The following RNF32 variants were observed in gnomAD, a reference collection of about 807,000 sequenced individuals.
RNF32 encodes ring finger protein 32.
Under a neutral mutation model 41.0 loss-of-function variants are expected in RNF32, and 36 were observed. The ratio of observed to expected loss-of-function variants is 0.88; its 90% CI spans 0.67 to 1.16. The LOEUF (loss-of-function observed/expected upper bound fraction) is 1.16. Ranked by LOEUF, RNF32 falls within the 50% of genes most tolerant of loss-of-function variation. The pLI, the probability that RNF32 is intolerant of heterozygous loss-of-function variation, is 0.00. For missense variants in RNF32, 413 were observed against 436.7 expected (o/e 0.95, Z 0.48); for synonymous variants, 154 against 160.9 (o/e 0.96, Z 0.32).
At chr7:156,664,775 T>C (rs946970772) in intron 7 of RNF32, among the ~76,000 whole-genome samples, 1 of 152,226 alleles carries the variant, frequency 6.6e-6, no homozygotes, top group Admixed American at 6.5e-5. Context: ...AAAAGACTCT[T>C]TTCATCTAGC....
rs1347129549 is a variant in RNF32 at position 156,677,069 on chromosome 7, G to T, written c.*414G>T. 6.2e-6 allele frequency: 1 copy of T among 160,060 alleles called. No homozygotes were observed. Among genetic ancestry groups the T allele is most frequent in the Admixed American group, 5.9e-5 (1 of 16,872 alleles). The allele number at this position is 160,060 out of a possible 1,614,324, so 9.9% of individuals were successfully genotyped here. A position where few individuals can be genotyped will look rare whatever the true frequency, so the allele number is the denominator to read the frequency against. On this transcript the variant is annotated 3_prime_UTR_variant, in exon 9 of 9. Coordinates refer to ENST00000317955, the MANE Select transcript of RNF32 (RefSeq NM_030936.4). ...TCCTAATACTCGTTTTGTAATAATT[G>T]CTGTATTTCTGTGTAATAAAATATA...
chr7:156,667,035 A>G (rs1338520940), intron 7 of RNF32, among the ~76,000 whole-genome samples: 2 of 152,124 alleles, frequency 1.3e-5, no homozygotes, highest in Non-Finnish European at 2.9e-5. Context: ...TTTCATTTAC[A>G]TCTCACCAAA....
intron 7 of RNF32, among the ~76,000 whole-genome samples, chr7:156,671,690 G>A (rs184840996): frequency 7.3e-4 from 111 of 152,280 alleles, no homozygotes; most frequent in Non-Finnish European, 1.2e-3. Context: ...CAGCTCATGA[G>A]CACAGTCCCC....
chr7:156,661,652 C>T (rs918570643), intron 7 of RNF32, among the ~76,000 whole-genome samples: 1 of 152,120 alleles, frequency 6.6e-6, no homozygotes, highest in African/African-American at 2.4e-5. Context: ...CAGCAATGAC[C>T]CACCACATGT....
chr7:156,649,035 G>A (rs1346989058), intron 3 of RNF32, among the ~76,000 whole-genome samples: 2 of 152,232 alleles, frequency 1.3e-5, no homozygotes, highest in Non-Finnish European at 2.9e-5. Context: ...GAAAATCGAC[G>A]AGATTAAAGC....
chr7:156,669,824 C>G lies in RNF32; in HGVS notation c.685-5872C>G, dbSNP rs1188493032. On this transcript the variant is annotated intron_variant, in intron 7 of 8. Transcript: ENST00000317955. The surrounding 1 kb of genome is among the most constrained non-coding windows in gnomAD (Gnocchi z 4.2). ...CCATGGAGGGGAGGCTCAAAATAAC[C>G]AGATGAGACGTGCAGTTGGGCCTGC... 6.6e-6 allele frequency among the ~76,000 whole-genome samples: 1 copy of G among 152,158 alleles called. No individual in the cohort carries two copies. The highest frequency in any genetic ancestry group is 1.5e-5 in the Non-Finnish European group (1 of 68,038).
In RNF32 at chr7:156,645,559, A is replaced by G. The variant is rs113015957; in HGVS notation, c.274+802A>G. Reference sequence around the variant, plus strand: ...CCCAGGGGACATAGCTGCAAGTGCAATCTGTGATCCTGGATCAGATCCTAG... The same window carrying G: ...CCCAGGGGACATAGCTGCAAGTGCAGTCTGTGATCCTGGATCAGATCCTAG... On this transcript the variant is annotated intron_variant, in intron 3 of 8. Coordinates refer to ENST00000317955, the MANE Select transcript of RNF32 (RefSeq NM_030936.4). Among the ~76,000 whole-genome samples the G allele has an allele frequency of 4.6e-3, 699 of 152,330 alleles. 3 individuals carry two copies. Among genetic ancestry groups the G allele is most frequent in the Middle Eastern group, 0.024 (7 of 294 alleles).
In RNF32 at chr7:156,658,244, T is replaced by C; in HGVS notation, c.567T>C (p.Cys189=). The stretch of plus-strand genomic sequence containing the variant: ...GGGCCCGCCTGTTCAGAATCAAGTG[T>C]GTGACCAGGTGAGGACGCCAGGCCC... ...HDGARLFRIK[C]VTRIQAYWRG... is the part of the protein sequence containing the mutation. The change falls in exon 6 of 9, where the codon TGT becomes TGC. Residue 189 remains cysteine, a synonymous_variant. Coordinates refer to ENST00000317955, the MANE Select transcript of RNF32 (RefSeq NM_030936.4). 6.2e-7 allele frequency: 1 copy of C among 1,614,026 alleles called. No individual in the cohort carries two copies. Among genetic ancestry groups the C allele is most frequent in the Non-Finnish European group, 8.5e-7 (1 of 1,180,000 alleles).
chr7:156,658,925 C>G (rs978116999), intron 7 of RNF32: 4 of 1,541,204 alleles, frequency 2.6e-6, no homozygotes, highest in Non-Finnish European at 8.7e-7. Context: ...ATGAAGACAT[C>G]TGCTGCACAT....
chr7:156,666,692 G>A (rs564712044), intron 7 of RNF32, among the ~76,000 whole-genome samples: 1 of 152,284 alleles, frequency 6.6e-6, no homozygotes, highest in South Asian at 2.1e-4. Flanking sequence ...TTTGAGGAAC[G>A]CAGATCAAAG....
rs186164908 is a variant in RNF32 at position 156,676,389 on chromosome 7, C to T, written c.853-30C>T. 15 of 1,614,026 alleles carry T rather than the reference C, an allele frequency of 9.3e-6. No homozygotes were observed. The East Asian group carries it at 1.1e-4, about 12-fold the overall frequency. ...TTTCTGCTGTGATGAAACTAACCCGCGTGGCCTCTTCCCGTCCTGTGTGCC... is the reference window on the plus strand; with the variant it reads ...TTTCTGCTGTGATGAAACTAACCCGTGTGGCCTCTTCCCGTCCTGTGTGCC... On this transcript the variant is annotated intron_variant, in intron 8 of 8. Coordinates refer to ENST00000317955, the MANE Select transcript of RNF32 (RefSeq NM_030936.4).
intron 3 of RNF32, chr7:156,654,172 A>G (rs1160520343): frequency 2.0e-5 from 3 of 152,932 alleles, no homozygotes; most frequent in Non-Finnish European, 2.9e-5. Context: ...TGGCATCCAC[A>G]GATTCAACCA....
rs754974929 is a variant in RNF32 at position 156,675,729 on chromosome 7, T to A, written c.718T>A (p.Tyr240Asn). The change falls in exon 8 of 9, where the codon TAC becomes AAC. Residue 240 changes from tyrosine to asparagine, a missense_variant. Tyr to Asn is a moderately radical substitution (Grantham distance 143, BLOSUM62 -2). Transcript: ENST00000317955. ...TEISHRILCS[Y>N]NTNIEELFAE... ...AATCAGCCACCGCATCCTGTGCTCA[T>A]ACAACACCAACATTGAAGAGCTCTT... 1 of 1,600,994 alleles carries A rather than the reference T, an allele frequency of 6.2e-7. No individual in the cohort carries two copies. The highest frequency in any genetic ancestry group is 1.3e-5 in the African/African-American group (1 of 74,738).
At chr7:156,660,425 C>T (rs1322061408) in intron 7 of RNF32, 5 of 382,128 alleles carry the variant, frequency 1.3e-5, no homozygotes, top group Non-Finnish European at 1.8e-5. Context: ...AGCAAATTCA[C>T]TTAAGCTGAA....
rs202182456 is a variant in RNF32 at position 156,675,685 on chromosome 7, C to G, written c.685-11C>G. 1.0e-3 allele frequency: 1,629 copies of G among 1,605,940 alleles called. 16 individuals are homozygous for G. The African/African-American group carries it at 0.017, about 17-fold the overall frequency. Reference sequence around the variant, plus strand: ...CAGGTGTGAGCTTACCCGCCCCCGCCTCCTCCTCAGTTCACAGAAATCAGC... The same window carrying G: ...CAGGTGTGAGCTTACCCGCCCCCGCGTCCTCCTCAGTTCACAGAAATCAGC... On this transcript the variant is annotated splice_polypyrimidine_tract_variant and intron_variant, in intron 7 of 8. Coordinates refer to ENST00000317955, the MANE Select transcript of RNF32 (RefSeq NM_030936.4).
At chr7:156,660,124 C>A in intron 7 of RNF32, 7 of 985,780 alleles carry the variant, frequency 7.1e-6, no homozygotes, top group Non-Finnish European at 8.4e-6. Flanking sequence ...TCGCTCGGAA[C>A]GCCCCGCTCT....
rs763542622 is a variant in RNF32 at position 156,654,703 on chromosome 7, C to T, written c.402C>T (p.Phe134=). ...VQPCPICKEE[F]ELRPQVLLSC... ...CATGCCCCATCTGTAAAGAAGAATT[C>T]GAGCTTCGTCCTCAGGTGTTTAGCA... The change falls in exon 4 of 9, where the codon TTC becomes TTT. Residue 134 remains phenylalanine (F), a synonymous_variant. Transcript: ENST00000317955. The T allele has an allele frequency of 2.1e-5, 34 of 1,613,890 alleles. No homozygotes were observed. In the East Asian group the frequency reaches 2.2e-4, roughly 11 times the overall value.
chr7:156,644,688 C>G lies in RNF32; in HGVS notation c.205C>G (p.Gln69Glu). The change falls in exon 3 of 9, where the codon CAG becomes GAG. Residue 69 changes from glutamine (Q) to glutamate (E), a missense_variant. By Grantham distance (29) the Gln-to-Glu change is conservative. Transcript: ENST00000317955. Reference protein sequence around the residue: ...IIDTGLKKTTQCPKLEDSEKE... With the variant: ...IIDTGLKKTTECPKLEDSEKE... ...AGATACTGGACTTAAAAAAACTACA[C>G]AGTGCCCCAAACTAGAAGACTCAGA... 1 of 1,613,294 alleles carries G rather than the reference C, an allele frequency of 6.2e-7. No homozygotes were observed. The highest frequency in any genetic ancestry group is 8.5e-7 in the Non-Finnish European group (1 of 1,179,674).
At chr7:156,671,840 A>AT (rs11375940) in intron 7 of RNF32, among the ~76,000 whole-genome samples, 53,470 of 151,904 alleles carry the variant, frequency 0.35, 10,039 homozygotes, top group African/African-American at 0.48. Context: ...CTAGAAATAA[A>AT]TTTTTTTTAA....
Sources: gnomAD v4.1 joint callset for allele counts (sites outside exome capture counted in the v4.1 genomes callset) on GRCh38, gnomAD v4.1.1 for gene constraint, Gnocchi (gnomAD v3.1) non-coding constraint, MANE v1.5 for transcripts, NCBI Gene and HGNC (gene_info 2026-07-23, HGNC 2026-07-21) for gene names.